The following BIRC6 variants were observed in gnomAD, a reference collection of about 807,000 sequenced individuals.
BIRC6 encodes the protein baculoviral IAP repeat containing 6.
A neutral mutation model predicts 503.3 loss-of-function variants in BIRC6; 98 were observed. The observed-to-expected ratio is 0.19, with a 90% CI of 0.17 to 0.23. The LOEUF is 0.23. Ranked by LOEUF, BIRC6 falls within the 10% of genes least tolerant of loss-of-function variation. The pLI is 1.00. For synonymous variants in BIRC6, 2,240 were observed against 2,078.7 expected, an observed-to-expected ratio of 1.08 and a Z score of -2.11; for missense variants, 5,360 against 5,806.0, an observed-to-expected ratio of 0.92 and a Z score of 2.50.
intron 31 of BIRC6, 73 bp from the exon 32 acceptor site, chr2:32,470,941 C>CT (rs1164983202): frequency 1.4e-6 from 2 of 1,432,636 alleles, no homozygotes; most frequent in Admixed American, 2.2e-5. Flanking sequence ...TTTTGTTTCA[C>CT]TTATATTATC....
chr2:32,513,887 C>T (rs1264194502), intron 54 of BIRC6, among the ~76,000 whole-genome samples: 2 of 151,252 alleles, frequency 1.3e-5, no homozygotes, highest in Non-Finnish European at 2.9e-5. Context: ...CAAGCCTGGG[C>T]GACAAGAGCA....
intron 41 of BIRC6, among the ~76,000 whole-genome samples, 164 bp from the exon 42 acceptor site, chr2:32,488,424 T>TCA (rs2051266394): frequency 6.6e-6 from 1 of 152,248 alleles, no homozygotes; most frequent in South Asian, 2.1e-4. Flanking sequence ...TGTTTGCTGA[T>TCA]CAACTAATTT....
At chr2:32,520,460 A>G (rs2055532414) in intron 57 of BIRC6, among the ~76,000 whole-genome samples, 1 of 152,240 alleles carries the variant, frequency 6.6e-6, no homozygotes, top group African/African-American at 2.4e-5. Flanking sequence ...GATGTTAGAC[A>G]GTATTTTCTA....
At chr2:32,366,734 G>C (rs2034985867) in intron 1 of BIRC6, among the ~76,000 whole-genome samples, 1 of 152,052 alleles carries the variant, frequency 6.6e-6, no homozygotes, top group Admixed American at 6.6e-5. Context: ...TGTAATCCCA[G>C]CACTTTGGGA....
At chr2:32,586,779 G>A (rs556745062) in intron 66 of BIRC6, among the ~76,000 whole-genome samples, 8 of 152,176 alleles carry the variant, frequency 5.3e-5, no homozygotes, top group African/African-American at 9.6e-5. Flanking sequence ...AATTTACTTC[G>A]TAGCAGGTCT....
intron 42 of BIRC6, among the ~76,000 whole-genome samples, chr2:32,489,667 G>T (rs1410991339): frequency 6.6e-6 from 1 of 151,966 alleles, no homozygotes; most frequent in Non-Finnish European, 1.5e-5. Context: ...CTGTGTTGAC[G>T]CATGCCTATA....
intron 17 of BIRC6, 104 bp downstream of exon 17, chr2:32,441,566 T>C (rs1020612623): frequency 2.9e-6 from 3 of 1,019,208 alleles, no homozygotes; most frequent in Non-Finnish European, 4.2e-6. Flanking sequence ...CTGAAAATTT[T>C]TTTTGTCCAT....
In BIRC6 at chr2:32,499,984, G is replaced by A; in HGVS notation, c.8906G>A (p.Ser2969Asn). 1 of 1,613,994 alleles carries A rather than the reference G, an allele frequency of 6.2e-7. No individual in the cohort carries two copies. Among genetic ancestry groups the A allele is most frequent in the African/African-American group, 1.3e-5 (1 of 75,058 alleles). Reference protein sequence around the residue: ...KVSGGKDGNGSSTSVQGSPAY... With the variant: ...KVSGGKDGNGNSTSVQGSPAY... ...TCAGGAGGCAAAGATGGCAATGGAA[G>A]CAGTACCAGTGTTCAAGGATCGCCT... The change falls in exon 46 of 74, where the codon AGC becomes AAC. Residue 2969 changes from serine to asparagine, a missense_variant. This residue lies in a region of BIRC6 where 2,299 missense variants were observed against 2,267.2 expected (regional missense o/e 1.01). Transcript: ENST00000421745.
intron 12 of BIRC6, among the ~76,000 whole-genome samples, chr2:32,432,042 G>A (rs1432775347): frequency 6.6e-6 from 1 of 152,188 alleles, no homozygotes; most frequent in Non-Finnish European, 1.5e-5. Flanking sequence ...TATATTTTGT[G>A]AGTTCTAGGA....
intron 23 of BIRC6, among the ~76,000 whole-genome samples, chr2:32,462,922 T>C (rs2048162731): frequency 6.8e-6 from 1 of 146,120 alleles, no homozygotes; most frequent in Admixed American, 7.0e-5. Flanking sequence ...GCCGCTGCAC[T>C]CCAGCCTGAG....
rs145315025 is a variant in BIRC6 at position 32,502,654 on chromosome 2, A to G, written c.9208-141A>G. On this transcript the variant is annotated intron_variant, in intron 47 of 73. Transcript: ENST00000421745. Reference sequence around the variant, plus strand: ...TTTATTCAGGTAAGATTTCTTATGTATTTTGGCAGACATTTTGTATTTAGC... The same window carrying G: ...TTTATTCAGGTAAGATTTCTTATGTGTTTTGGCAGACATTTTGTATTTAGC... 1.5e-3 allele frequency: 838 copies of G among 569,892 alleles called. 5 individuals carry two copies. The African/African-American group carries it at 0.015, about 10-fold the overall frequency. 35.3% of individuals were successfully genotyped at this position (569,892 alleles called of 1,614,324 possible).
chr2:32,369,152 T>C (rs925325464), intron 1 of BIRC6, among the ~76,000 whole-genome samples: 1 of 150,906 alleles, frequency 6.6e-6, no homozygotes, highest in Non-Finnish European at 1.5e-5. Context: ...TTGTCTGTTA[T>C]ATAATAGACA....
rs1270957849 is a variant in BIRC6 at position 32,611,434 on chromosome 2, T to C, written c.14260-14T>C. On this transcript the variant is annotated splice_polypyrimidine_tract_variant and intron_variant, in intron 72 of 73. Coordinates refer to ENST00000421745, the MANE Select transcript of BIRC6 (RefSeq NM_016252.4). ...TGTAAACACTGCTTGTTCTCCTGTTTACTTTTTCTCAAGGTAATACACAAA... is the reference window on the plus strand; with the variant it reads ...TGTAAACACTGCTTGTTCTCCTGTTCACTTTTTCTCAAGGTAATACACAAA... The C allele has an allele frequency of 1.3e-6, 2 of 1,593,858 alleles. No homozygotes were observed. Among genetic ancestry groups the C allele is most frequent in the South Asian group, 2.3e-5 (2 of 87,794 alleles).
At chr2:32,560,414 A>G (rs1014459916) in intron 65 of BIRC6, among the ~76,000 whole-genome samples, 7 of 152,118 alleles carry the variant, frequency 4.6e-5, no homozygotes, top group East Asian at 3.9e-4. Flanking sequence ...ATCTTCTTCT[A>G]TTTCCATAAT....
At chr2:32,551,315 C>G in intron 65 of BIRC6, among the ~76,000 whole-genome samples, 1 of 152,032 alleles carries the variant, frequency 6.6e-6, no homozygotes, top group South Asian at 2.1e-4. Flanking sequence ...CAGGGTTTCC[C>G]TCTGTCACCC....
At chr2:32,455,442 GA>G (rs1260096193) in intron 23 of BIRC6, among the ~76,000 whole-genome samples, 1 of 148,822 alleles carries the variant, frequency 6.7e-6, no homozygotes, top group Non-Finnish European at 1.5e-5. Context: ...TCAACATGGC[GA>G]AACCTCGTCT....
At chr2:32,579,484 T>TC (rs1419144850) in intron 66 of BIRC6, among the ~76,000 whole-genome samples, 4 of 151,972 alleles carry the variant, frequency 2.6e-5, no homozygotes, top group Non-Finnish European at 5.9e-5. Context: ...AGCCGGGAGT[T>TC]CAAGACCAGC....
intron 1 of BIRC6, among the ~76,000 whole-genome samples, chr2:32,374,129 A>G (rs1204997403): frequency 6.6e-6 from 1 of 152,134 alleles, no homozygotes; most frequent in African/African-American, 2.4e-5. Flanking sequence ...GCATGAATAT[A>G]CTCAATACCA....
chr2:32,509,624 G>T, intron 51 of BIRC6, 114 bp from the exon 52 acceptor site: 1 of 1,184,950 alleles, frequency 8.4e-7, no homozygotes, highest in Non-Finnish European at 1.2e-6. Flanking sequence ...ACATGTCTTA[G>T]ATTGGTTAAT....
Sources: allele counts gnomAD v4.1 joint callset (sites outside exome capture counted in the v4.1 genomes callset), GRCh38; gene constraint gnomAD v4.1.1; regional missense constraint gnomAD v4.1.1; transcripts MANE v1.5; gene names NCBI Gene and HGNC (gene_info 2026-07-23, HGNC 2026-07-21).